Variants in STK32B observed in about 807,000 individuals in gnomAD.
STK32B encodes serine/threonine kinase 32B.
In STK32B, 43 loss-of-function variants were observed where a neutral mutation model predicts 52.6. The observed-to-expected ratio is 0.82, with a 90% CI of 0.64 to 1.05. STK32B has a LOEUF of 1.05. Among genes scored for constraint, STK32B ranks in the 50% least tolerant of loss-of-function variants. The pLI is 0.00. For missense variants in STK32B, 621 were observed against 534.6 expected, an observed-to-expected ratio of 1.16 and a Z score of -1.59; for synonymous variants, 238 against 204.3, an observed-to-expected ratio of 1.17 and a Z score of -1.41.
chr4:5,154,311 G>T (rs1455601221), intron 2 of STK32B, among the ~76,000 whole-genome samples: 1 of 151,462 alleles, frequency 6.6e-6, no homozygotes, highest in Non-Finnish European at 1.5e-5. Context: ...TCCCTCCTGG[G>T]TTCAAGTGAT....
At chr4:5,184,001 T>C (rs1422852605) in intron 3 of STK32B, among the ~76,000 whole-genome samples, 1 of 152,196 alleles carries the variant, frequency 6.6e-6, no homozygotes, top group Non-Finnish European at 1.5e-5. Flanking sequence ...TATCAGCAGT[T>C]AGGCAGTTTC....
intron 11 of STK32B, among the ~76,000 whole-genome samples, chr4:5,471,010 C>T (rs553591862): frequency 3.9e-5 from 6 of 152,338 alleles, no homozygotes; most frequent in African/African-American, 1.4e-4. Context: ...CTCTGCAGAC[C>T]TGGCCATCAG....
chr4:5,487,367 T>C lies in STK32B; in HGVS notation c.1107-11578T>C, dbSNP rs559950788. Among the ~76,000 whole-genome samples, 3 of 152,294 alleles carry C rather than the reference T, an allele frequency of 2.0e-5. No individual in the cohort carries two copies. In the East Asian group the frequency reaches 5.8e-4, roughly 29 times the overall value. On this transcript the variant is annotated intron_variant, in intron 11 of 11. Transcript: ENST00000282908. ...TTAGGAGACTTGGCATCACAAAGAT[T>C]GGAGAGGCAGTAAGAGCAAAGTTTA...
intron 4 of STK32B, among the ~76,000 whole-genome samples, chr4:5,340,369 T>G (rs1439859326): frequency 6.6e-6 from 1 of 152,190 alleles, no homozygotes; most frequent in African/African-American, 2.4e-5. Flanking sequence ...GGTCTGTGAT[T>G]TGTAGGATAA....
At chr4:5,139,143 CTG>C (rs1318917389) in intron 1 of STK32B, among the ~76,000 whole-genome samples, 1 of 152,162 alleles carries the variant, frequency 6.6e-6, no homozygotes, top group African/African-American at 2.4e-5. Context: ...GTGTGAGACA[CTG>C]TGCAGAGACA....
Position 5,498,194 on chromosome 4 carries a change from G to A in STK32B, c.1107-751G>A, listed in dbSNP as rs999409578. ...CTGCCTCCTTAAACGTCTCCATTCCGTTCTTGCTGCCACCATCCACATGCA... is the reference window on the plus strand; with the variant it reads ...CTGCCTCCTTAAACGTCTCCATTCCATTCTTGCTGCCACCATCCACATGCA... On this transcript the variant is annotated intron_variant, in intron 11 of 11. Transcript: ENST00000282908. Among the ~76,000 whole-genome samples, 13 of 152,130 alleles carry A rather than the reference G, an allele frequency of 8.5e-5. 1 individual carries two copies. The East Asian group carries it at 1.2e-3, about 14-fold the overall frequency.
At chr4:5,277,528 G>A (rs2108865930) in intron 3 of STK32B, among the ~76,000 whole-genome samples, 1 of 152,238 alleles carries the variant, frequency 6.6e-6, no homozygotes, top group East Asian at 1.9e-4. Context: ...GCTTATGAAT[G>A]CGCTCCTGGA....
At position 5,446,724 on chromosome 4, in the gene STK32B, C is replaced by G. The variant is rs762123143; in HGVS notation, c.614C>G (p.Pro205Arg). 1 of 1,614,118 alleles carries G rather than the reference C, an allele frequency of 6.2e-7. No homozygotes were observed. Among genetic ancestry groups the G allele is most frequent in the South Asian group, 1.1e-5 (1 of 91,068 alleles). ...GACAGAGGCCCCGGATACTCGTACC[C>G]TGTCGACTGGTGGTCCCTGGGCATC... ...YMDRGPGYSY[P>R]VDWWSLGITA... is the part of the protein sequence containing the mutation. Residue 205 changes from proline to arginine, a missense_variant, in exon 7 of 12, where the codon CCT becomes CGT. By Grantham distance (103) the Pro-to-Arg change is moderately radical (BLOSUM62 -2). Coordinates refer to ENST00000282908, the MANE Select transcript of STK32B (RefSeq NM_018401.3).
At position 5,400,286 on chromosome 4, in the gene STK32B, A is replaced by C. The variant is rs77336456; in HGVS notation, c.472+2042A>C. On this transcript the variant is annotated intron_variant, in intron 5 of 11. Coordinates refer to ENST00000282908, the MANE Select transcript of STK32B (RefSeq NM_018401.3). The surrounding 1 kb of genome is among the most constrained non-coding windows in gnomAD (Gnocchi z 6.1). ...TCTCTTTCCTGCCTTTTGGATTTCC[A>C]TCCATCCCATTCCGCCTCCCTTTCT... Among the ~76,000 whole-genome samples, 712 of 152,110 alleles carry C rather than the reference A, an allele frequency of 4.7e-3. 17 individuals are homozygous for C. The East Asian group carries it at 0.065, about 14-fold the overall frequency.
intron 1 of STK32B, among the ~76,000 whole-genome samples, chr4:5,115,214 G>C (rs1714649233): frequency 6.6e-6 from 1 of 152,098 alleles, no homozygotes; most frequent in Admixed American, 6.5e-5. Flanking sequence ...TAGATGGGAG[G>C]AACTCATTCT....
At chr4:5,493,552 A>C (rs1233765373) in intron 11 of STK32B, among the ~76,000 whole-genome samples, 1 of 151,938 alleles carries the variant, frequency 6.6e-6, no homozygotes, top group Non-Finnish European at 1.5e-5. Context: ...TTAATTTTTG[A>C]AGGGTTTTTT....
At chr4:5,115,572 G>C (rs1440751944) in intron 1 of STK32B, among the ~76,000 whole-genome samples, 1 of 151,706 alleles carries the variant, frequency 6.6e-6, no homozygotes. Flanking sequence ...GAGCTTCCTT[G>C]AGGGCAACTG....
At chr4:5,177,251 C>G (rs1305577541) in intron 3 of STK32B, among the ~76,000 whole-genome samples, 1 of 152,162 alleles carries the variant, frequency 6.6e-6, no homozygotes, top group African/African-American at 2.4e-5. Context: ...GAAGCCGGCA[C>G]CTTCTTCACA....
intron 1 of STK32B, among the ~76,000 whole-genome samples, chr4:5,133,983 A>C (rs1222087912): frequency 6.6e-6 from 1 of 152,222 alleles, no homozygotes; most frequent in East Asian, 1.9e-4. Flanking sequence ...ACCTTTGTCC[A>C]GGGAACACCA....
At chr4:5,121,774 T>A (rs534104497) in intron 1 of STK32B, among the ~76,000 whole-genome samples, 7 of 132,450 alleles carry the variant, frequency 5.3e-5, no homozygotes, top group African/African-American at 1.8e-4. Flanking sequence ...GGCACCAAAG[T>A]CTGTATTCAG....
intron 6 of STK32B, among the ~76,000 whole-genome samples, chr4:5,444,678 T>C (rs1187222960): frequency 6.6e-6 from 1 of 152,256 alleles, no homozygotes; most frequent in Non-Finnish European, 1.5e-5. Flanking sequence ...TAATGCCTAA[T>C]GTTCATGGAG....
At chr4:5,376,293 G>A (rs115236080) in intron 4 of STK32B, among the ~76,000 whole-genome samples, 5,209 of 152,268 alleles carry the variant, frequency 0.034, 293 homozygotes, top group African/African-American at 0.11. Flanking sequence ...CAGTCTTGCT[G>A]GGGGACTCAT....
At chr4:5,168,127 C>T (rs1400396699) in intron 2 of STK32B, among the ~76,000 whole-genome samples, 172 bp from the exon 3 acceptor site, 2 of 152,164 alleles carry the variant, frequency 1.3e-5, no homozygotes, top group African/African-American at 2.4e-5. Context: ...CCAACTCCTC[C>T]ATTCTGCAGA....
chr4:5,206,999 TG>T (rs1331677699), intron 3 of STK32B, among the ~76,000 whole-genome samples: 4 of 152,214 alleles, frequency 2.6e-5, no homozygotes, highest in Non-Finnish European at 4.4e-5. Flanking sequence ...TTAGTCTTTG[TG>T]GGGTCAGCAA....
Sources: gnomAD v4.1 joint callset for allele counts (sites outside exome capture counted in the v4.1 genomes callset) on GRCh38, gnomAD v4.1.1 for gene constraint, Gnocchi (gnomAD v3.1) non-coding constraint, MANE v1.5 for transcripts, NCBI Gene and HGNC (gene_info 2026-07-23, HGNC 2026-07-21) for gene names.